Variants in TECRL observed in about 807,000 individuals in gnomAD.
The protein encoded by TECRL is trans-2,3-enoyl-CoA reductase like.
A neutral mutation model predicts 52.8 loss-of-function variants in TECRL; 63 were observed. That is an observed-to-expected ratio of 1.19 (90% CI 0.97 to 1.47). The LOEUF (loss-of-function observed/expected upper bound fraction) is 1.47, where lower values mean the gene tolerates loss of function less well. Ranked by LOEUF, TECRL falls within the 40% of genes most tolerant of loss-of-function variation. The pLI is 0.00. For missense variants in TECRL, 482 were observed against 429.6 expected (o/e 1.12, Z -1.08); for synonymous variants, 164 against 141.9 (o/e 1.16, Z -1.10).
intron 8 of TECRL, among the ~76,000 whole-genome samples, chr4:64,297,685 A>G (rs1462812730): frequency 6.6e-6 from 1 of 151,190 alleles, no homozygotes; most frequent in Non-Finnish European, 1.5e-5. Context: ...TTTCAAACAT[A>G]CATACATATA....
chr4:64,325,555 G>A (rs1250824680), intron 3 of TECRL, among the ~76,000 whole-genome samples: 1 of 152,060 alleles, frequency 6.6e-6, no homozygotes, highest in Non-Finnish European at 1.5e-5. Context: ...TGCTAAATTT[G>A]TGTAAATTTG....
chr4:64,367,874 G>A (rs1220450666), intron 2 of TECRL, among the ~76,000 whole-genome samples: 1 of 152,034 alleles, frequency 6.6e-6, no homozygotes, highest in Non-Finnish European at 1.5e-5. Flanking sequence ...GGAAGATGCT[G>A]ATGTATCTCT....
chr4:64,336,169 A>G (rs962645190), intron 2 of TECRL, among the ~76,000 whole-genome samples: 1 of 151,522 alleles, frequency 6.6e-6, no homozygotes, highest in African/African-American at 2.4e-5. Context: ...GTAAGCTGTT[A>G]ATTATTGCCT....
chr4:64,407,389 C>T (rs549660490), intron 1 of TECRL, among the ~76,000 whole-genome samples: 26 of 151,644 alleles, frequency 1.7e-4, no homozygotes, highest in Non-Finnish European at 2.9e-4. Flanking sequence ...ATTTAATTAA[C>T]ACGTAAAAAT....
chr4:64,394,749 G>A (rs2109758061), intron 1 of TECRL, among the ~76,000 whole-genome samples: 1 of 152,138 alleles, frequency 6.6e-6, no homozygotes, highest in Middle Eastern at 3.4e-3. Context: ...GGCATTTACT[G>A]TGCAGCAGGT....
At chr4:64,407,578 T>G (rs1455188568) in intron 1 of TECRL, among the ~76,000 whole-genome samples, 1 of 151,718 alleles carries the variant, frequency 6.6e-6, no homozygotes, top group Non-Finnish European at 1.5e-5. Context: ...CCTGTCAGGG[T>G]CTATACACCT....
At chr4:64,293,119 T>A (rs1171695225) in intron 8 of TECRL, among the ~76,000 whole-genome samples, 1 of 152,108 alleles carries the variant, frequency 6.6e-6, no homozygotes, top group Admixed American at 6.6e-5. Context: ...CATTCTATTA[T>A]CTAGAGTTAT....
chr4:64,318,821 T>C (rs1717687675), intron 4 of TECRL, among the ~76,000 whole-genome samples: 1 of 151,944 alleles, frequency 6.6e-6, no homozygotes, highest in Admixed American at 6.6e-5. Context: ...CTAAAGATGT[T>C]CTTCAGGGAG....
At chr4:64,362,469 A>C (rs2109619975) in intron 2 of TECRL, among the ~76,000 whole-genome samples, 1 of 152,204 alleles carries the variant, frequency 6.6e-6, no homozygotes, top group East Asian at 1.9e-4. Flanking sequence ...GAGGCAGGTC[A>C]CATTGAAAGA....
At chr4:64,390,919 A>G (rs1384712) in intron 1 of TECRL, among the ~76,000 whole-genome samples, 87,671 of 151,596 alleles carry the variant, frequency 0.58, 29,092 homozygotes, top group Non-Finnish European at 0.74. Flanking sequence ...AGGAAAATCA[A>G]TTTTAGAAAG....
At chr4:64,317,574 G>A (rs1006804521) in intron 4 of TECRL, among the ~76,000 whole-genome samples, 6 of 152,040 alleles carry the variant, frequency 3.9e-5, no homozygotes, top group African/African-American at 1.2e-4. Flanking sequence ...TAAAGTTTTG[G>A]GAGCATTTAT....
intron 11 of TECRL, 140 bp from the exon 12 acceptor site, chr4:64,280,339 C>G (rs1218215087): frequency 6.0e-6 from 4 of 661,704 alleles, no homozygotes; most frequent in Non-Finnish European, 8.7e-6. Flanking sequence ...ATTATTCATA[C>G]CCATTCCCAA....
chr4:64,374,543 T>C (rs982419668), intron 2 of TECRL, among the ~76,000 whole-genome samples: 1 of 152,194 alleles, frequency 6.6e-6, no homozygotes, highest in Non-Finnish European at 1.5e-5. Flanking sequence ...GTATATCTCC[T>C]AATGCTATCC....
intron 1 of TECRL, among the ~76,000 whole-genome samples, chr4:64,389,589 G>A (rs1201687464): frequency 6.6e-6 from 1 of 151,656 alleles, no homozygotes; most frequent in Admixed American, 6.6e-5. Flanking sequence ...TTTTTTATAA[G>A]CCCTCTGTTT....
chr4:64,322,666 T>C lies in TECRL; in HGVS notation c.435+23A>G, dbSNP rs377128826. 5.4e-5 allele frequency: 80 copies of C among 1,479,242 alleles called. No individual in the cohort carries two copies. In the Middle Eastern group the frequency reaches 1.4e-3, roughly 26 times the overall value. 91.6% of individuals were successfully genotyped at this position (1,479,242 alleles called of 1,614,324 possible). On this transcript the variant is annotated intron_variant, in intron 4 of 11. Transcript: ENST00000381210. The stretch of plus-strand genomic sequence containing the variant: ...TAGAGCAAAATATGAGAAATGTATA[T>C]TACATTTCAAATTAACACTTACTGT...
downstream of TECRL, chr4:64,276,947 G>T: frequency 1.0e-6 from 1 of 974,250 alleles, no homozygotes; most frequent in Non-Finnish European, 1.5e-6. Context: ...GGCTAAAAAT[G>T]TGTACATGGC....
intron 9 of TECRL, among the ~76,000 whole-genome samples, chr4:64,283,902 C>A (rs1364038144): frequency 1.3e-5 from 2 of 152,024 alleles, no homozygotes; most frequent in African/African-American, 4.8e-5. Context: ...CAAGAATACC[C>A]CCCTTGAAGA....
intron 4 of TECRL, among the ~76,000 whole-genome samples, chr4:64,317,965 A>G (rs1302303378): frequency 6.6e-6 from 1 of 152,182 alleles, no homozygotes. Context: ...CAAAGGATGA[A>G]GGTGGCCTCA....
At chr4:64,310,050 G>A in intron 5 of TECRL, 119 bp from the exon 6 acceptor site, 1 of 559,812 alleles carries the variant, frequency 1.8e-6, no homozygotes, top group Admixed American at 3.8e-5. Context: ...CATTGTTTCT[G>A]GTAGCTAAAA....
Sources: allele counts gnomAD v4.1 joint callset (sites outside exome capture counted in the v4.1 genomes callset), GRCh38; gene constraint gnomAD v4.1.1; transcripts MANE v1.5; gene names NCBI Gene and HGNC (gene_info 2026-07-23, HGNC 2026-07-21).